CNKSR3: variants seen among roughly 807,000 people sequenced by gnomAD.
CNKSR3 encodes CNKSR family member 3.
Under a neutral mutation model 67.7 loss-of-function variants are expected in CNKSR3, and 36 were observed. The ratio of observed to expected loss-of-function variants is 0.53; its 90% CI spans 0.41 to 0.70. The LOEUF (loss-of-function observed/expected upper bound fraction) is 0.70, where lower values mean the gene tolerates loss of function less well. Ranked by LOEUF, CNKSR3 falls within the 30% of genes least tolerant of loss-of-function variation. CNKSR3 has a pLI of 0.00. For missense variants in CNKSR3, 630 were observed against 695.2 expected (o/e 0.91, Z 1.05); for synonymous variants, 281 against 271.4 (o/e 1.04, Z -0.35).
At chr6:154,426,650 C>T (rs777058061) in intron 7 of CNKSR3, among the ~76,000 whole-genome samples, 5 of 152,258 alleles carry the variant, frequency 3.3e-5, no homozygotes, top group African/African-American at 4.8e-5. Flanking sequence ...CCACCGCACC[C>T]GGCCCGTCTT....
At chr6:154,433,638 C>A in intron 4 of CNKSR3, 131 bp from the exon 5 acceptor site, 1 of 670,590 alleles carries the variant, frequency 1.5e-6, no homozygotes, top group South Asian at 1.8e-5. Context: ...CTGCACAGTC[C>A]TGCAGGACTG....
rs952602168 is a variant in CNKSR3, at chr6:154,392,720, G to C, written c.*13634C>G. ...AGCATCGATGTTTGGGGAACAAGGA[G>C]CCCTTGCCTCCCCTGACGGCAGCAG... On this transcript the variant is annotated 3_prime_UTR_variant, in exon 13 of 13. Transcript: ENST00000607772. The C allele has an allele frequency of 6.6e-6, 1 of 152,264 alleles. No individual in the cohort carries two copies. Among genetic ancestry groups the C allele is most frequent in the Admixed American group, 6.5e-5 (1 of 15,282 alleles). 9.4% of individuals were successfully genotyped at this position (152,264 alleles called of 1,614,324 possible). A position where few individuals can be genotyped will look rare whatever the true frequency, so the allele number is the denominator to read the frequency against.
rs1228977453 is a variant in CNKSR3, at chr6:154,510,290, G to T, written c.-176C>A. On this transcript the variant is annotated 5_prime_UTR_variant, in exon 1 of 13. Coordinates refer to ENST00000607772, the MANE Select transcript of CNKSR3 (RefSeq NM_173515.4). ...TCGTCCCAGCGCGGCTCCGCCAGGG[G>T]AGCCCGGCCCTCTCCCTCCAGCTGC... 2 of 640,058 alleles carry T rather than the reference G, an allele frequency of 3.1e-6. No homozygotes were observed. The highest frequency in any genetic ancestry group is 2.9e-5 in the East Asian group (1 of 34,068). The allele number at this position is 640,058 out of a possible 1,614,324, so 39.6% of individuals were successfully genotyped here. A position where few individuals can be genotyped will look rare whatever the true frequency, so the allele number is the denominator to read the frequency against.
At chr6:154,486,968 G>T (rs1363798302) in intron 1 of CNKSR3, among the ~76,000 whole-genome samples, 1 of 152,066 alleles carries the variant, frequency 6.6e-6, no homozygotes, top group Non-Finnish European at 1.5e-5. Flanking sequence ...ACTGTGCCCA[G>T]CCTTCTCCTC....
chr6:154,399,159 GT>G lies in CNKSR3; in HGVS notation c.*7194del, dbSNP rs1287035181. On this transcript the variant is annotated 3_prime_UTR_variant, in exon 13 of 13. Transcript: ENST00000607772. ...TGAATCGGCTAAAACATCCGAGTGAGTTTTCTAACAGTAAAAGCTGCATCTC... is the reference window on the plus strand; with the variant it reads ...TGAATCGGCTAAAACATCCGAGTGAGTTTCTAACAGTAAAAGCTGCATCTC... 2 of 151,966 alleles carry G rather than the reference GT, an allele frequency of 1.3e-5. No homozygotes were observed. 9.4% of individuals were successfully genotyped at this position (151,966 alleles called of 1,614,324 possible).
At chr6:154,473,136 C>T (rs1436834780) in intron 1 of CNKSR3, among the ~76,000 whole-genome samples, 1 of 152,210 alleles carries the variant, frequency 6.6e-6, no homozygotes, top group Non-Finnish European at 1.5e-5. Flanking sequence ...AATGTAGTAA[C>T]TTGCTCAAAG....
intron 1 of CNKSR3, among the ~76,000 whole-genome samples, chr6:154,472,594 A>G (rs1786354074): frequency 6.6e-6 from 1 of 152,076 alleles, no homozygotes; most frequent in African/African-American, 2.4e-5. Flanking sequence ...CTGTCTCCCA[A>G]CAACAAACCC....
At chr6:154,411,852 A>G (rs1235723805) in intron 10 of CNKSR3, among the ~76,000 whole-genome samples, 1 of 152,174 alleles carries the variant, frequency 6.6e-6, no homozygotes, top group East Asian at 1.9e-4. Context: ...AAGACTTGAT[A>G]TATTATGAAG....
intron 9 of CNKSR3, chr6:154,414,674 T>G (rs1213908010): frequency 1.7e-6 from 1 of 583,750 alleles, no homozygotes; most frequent in Non-Finnish European, 3.4e-6. Flanking sequence ...GCCAGGGTTA[T>G]GACTCTAGCT....
chr6:154,464,224 G>A (rs1325531118), intron 1 of CNKSR3, among the ~76,000 whole-genome samples: 1 of 152,178 alleles, frequency 6.6e-6, no homozygotes, highest in Non-Finnish European at 1.5e-5. Context: ...TGACTGTTAG[G>A]GTGGAGGGTG....
chr6:154,427,090 T>C (rs1476380742), intron 7 of CNKSR3, among the ~76,000 whole-genome samples: 2 of 152,182 alleles, frequency 1.3e-5, no homozygotes, highest in Non-Finnish European at 2.9e-5. Context: ...TCGCTGCAGC[T>C]CAACAGAGAA....
chr6:154,441,242 CAAAAAAAAAA>C (rs34887626), intron 4 of CNKSR3, 40 bp downstream of exon 4: 5 of 843,770 alleles, frequency 5.9e-6, no homozygotes, highest in African/African-American at 2.3e-5. Context: ...AGAGGAAAAG[CAAAAAAAAAA>C]AAAAAAAAAA....
chr6:154,396,909 C>T lies in CNKSR3; in HGVS notation c.*9445G>A, dbSNP rs571661905. 1 of 151,882 alleles carries T rather than the reference C, an allele frequency of 6.6e-6. No homozygotes were observed. Among genetic ancestry groups the T allele is most frequent in the South Asian group, 2.1e-4 (1 of 4,818 alleles). 9.4% of individuals were successfully genotyped at this position (151,882 alleles called of 1,614,324 possible). On this transcript the variant is annotated 3_prime_UTR_variant, in exon 13 of 13. Coordinates refer to ENST00000607772, the MANE Select transcript of CNKSR3 (RefSeq NM_173515.4). ...GCGCCTCCCGGGTTCACGCCATTCT[C>T]CTGCCTCAACCTCCCGAGTAGCTGG... is the stretch of plus-strand genomic sequence containing the variant.
At chr6:154,448,825 C>T (rs372244086) in intron 2 of CNKSR3, among the ~76,000 whole-genome samples, 1 of 152,132 alleles carries the variant, frequency 6.6e-6, no homozygotes, top group African/African-American at 2.4e-5. Flanking sequence ...ATCAACAGTA[C>T]GCAGACCAGC....
intron 5 of CNKSR3, among the ~76,000 whole-genome samples, chr6:154,430,924 A>C (rs554008130): frequency 3.9e-5 from 6 of 151,974 alleles, no homozygotes; most frequent in Non-Finnish European, 7.4e-5. Context: ...GATTGCTCAC[A>C]GTCTCTGAAT....
At position 154,442,135 on chromosome 6, in the gene CNKSR3, C is replaced by G; in HGVS notation, c.372G>C (p.Val124=). 2 of 1,613,564 alleles carry G rather than the reference C, an allele frequency of 1.2e-6. No homozygotes were observed. Among genetic ancestry groups the G allele is most frequent in the Non-Finnish European group, 1.7e-6 (2 of 1,179,462 alleles). The change falls in exon 3 of 13, where the codon GTG becomes GTC. Residue 124 remains valine (V), a synonymous_variant. Transcript: ENST00000607772. ...RKAPNEFLTS[V]VELIGAAKAL... ...CCTTGGCGGCGCCGATGAGCTCCAC[C>G]ACCGAGGTCAGGAACTCATTGGGGG...
chr6:154,458,684 C>A (rs1786010243), intron 1 of CNKSR3, among the ~76,000 whole-genome samples: 2 of 152,170 alleles, frequency 1.3e-5, no homozygotes, highest in South Asian at 4.1e-4. Flanking sequence ...CCTGGCTGTA[C>A]TCCCTGTCCT....
intron 7 of CNKSR3, among the ~76,000 whole-genome samples, chr6:154,424,761 T>C (rs367669529): frequency 6.6e-6 from 1 of 152,066 alleles, no homozygotes; most frequent in African/African-American, 2.4e-5. Context: ...GTTTTGTTTT[T>C]TTGTTGTTGT....
intron 3 of CNKSR3, 129 bp from the exon 4 acceptor site, chr6:154,441,508 G>T: frequency 1.5e-6 from 1 of 677,486 alleles, no homozygotes. Flanking sequence ...GTTTGAGACT[G>T]TGTCTCACTC....
Sources: gnomAD v4.1 joint callset for allele counts (sites outside exome capture counted in the v4.1 genomes callset) on GRCh38, gnomAD v4.1.1 for gene constraint, MANE v1.5 for transcripts, NCBI Gene and HGNC (gene_info 2026-07-23, HGNC 2026-07-21) for gene names.